The following TRIM3 variants were observed in gnomAD, a reference collection of about 807,000 sequenced individuals.
The protein encoded by TRIM3 is tripartite motif-containing protein 3.
TRIM3 carries 13 observed loss-of-function variants against 66.6 expected under a neutral mutation model. The ratio of observed to expected loss-of-function variants is 0.20; its 90% CI spans 0.13 to 0.31. The LOEUF is 0.31. TRIM3 is among the 10% of genes least tolerant of loss of function. The probability of loss-of-function intolerance (pLI) is 1.00; values close to 1 mark genes in which losing one functional copy is unlikely to be tolerated. For missense variants in TRIM3, 711 were observed against 1,020.4 expected (o/e 0.70, Z 4.13); for synonymous variants, 406 against 411.7 (o/e 0.99, Z 0.17).
In TRIM3 at chr11:6,456,609, G is replaced by C. The variant is rs1483594508; in HGVS notation, c.1117C>G (p.Arg373Gly). 7 of 1,612,754 alleles carry C rather than the reference G, an allele frequency of 4.3e-6. No individual in the cohort carries two copies. The highest frequency in any genetic ancestry group is 5.9e-6 in the Non-Finnish European group (7 of 1,179,874). The change falls in exon 6 of 12, where the codon CGC becomes GGC. Residue 373 changes from arginine to glycine, a missense_variant. Physicochemically the swap from Arg to Gly is moderately radical, Grantham distance 125 (BLOSUM62 -2). Around this residue, in one of 3 missense-constraint regions of TRIM3, gnomAD observed 399 missense variants for 458.1 expected, o/e 0.87. Transcript: ENST00000345851. The surrounding 1 kb of genome is among the most constrained non-coding windows in gnomAD (Gnocchi z 6.4). ...TGGTCCACCACTGGCACCGGAAGGC[G>C]CGTGCCGTCCGGGCCGGTGATCTCT... is the stretch of plus-strand genomic sequence containing the variant. ...RAEITGPDGT[R>G]LPVPVVDHKN...
chr11:6,460,268 G>A (rs1850168117), intron 2 of TRIM3, among the ~76,000 whole-genome samples: 1 of 152,152 alleles, frequency 6.6e-6, no homozygotes. Context: ...GGAAAACAGG[G>A]AGGGAGTGGC....
chr11:6,468,854 G>GTGAATGAATGAATGAATGAA (rs111290321), intron 1 of TRIM3, among the ~76,000 whole-genome samples: 18 of 150,974 alleles, frequency 1.2e-4, no homozygotes, highest in African/African-American at 3.7e-4. Flanking sequence ...TCTAAAGACT[G>GTGAATGAATGAATGAATGAA]TGAATGAATG....
intron 7 of TRIM3, 117 bp downstream of exon 7, chr11:6,455,955 G>A (rs1012637896): frequency 7.8e-6 from 5 of 638,636 alleles, no homozygotes; most frequent in Admixed American, 6.0e-5. Flanking sequence ...CTTAAGGAAC[G>A]GTACTATCTG....
At chr11:6,454,419 G>GC (rs199634071) in intron 7 of TRIM3, among the ~76,000 whole-genome samples, 3 of 150,010 alleles carry the variant, frequency 2.0e-5, no homozygotes, top group African/African-American at 4.9e-5. Context: ...AGGAAGTTCA[G>GC]CCCCCTCACC....
At position 6,448,925 on chromosome 11, in the gene TRIM3, C is replaced by A; in HGVS notation, c.*103G>T. The A allele has an allele frequency of 6.8e-7, 1 of 1,475,466 alleles. No homozygotes were observed. The highest frequency in any genetic ancestry group is 9.4e-7 in the Non-Finnish European group (1 of 1,066,290). 91.4% of individuals were successfully genotyped at this position (1,475,466 alleles called of 1,614,324 possible). A position where few individuals can be genotyped will look rare whatever the true frequency, so the allele number is the denominator to read the frequency against. On this transcript the variant is annotated 3_prime_UTR_variant, in exon 12 of 12. Transcript: ENST00000345851. ...CACCGGGTGCACCCATGCCCACAGC[C>A]CACATTCAGTGCTGCCAGGTCTGGC... is the stretch of plus-strand genomic sequence containing the variant.
In TRIM3 at chr11:6,449,004, A is replaced by G; in HGVS notation, c.*24T>C. ...ATCACCCCAATGTCTGTCCCTCCAC[A>G]AGCCAGGCAGGGCCTCTGTACAGCT... On this transcript the variant is annotated 3_prime_UTR_variant, in exon 12 of 12. Transcript: ENST00000345851. The surrounding 1 kb of genome is among the most constrained non-coding windows in gnomAD (Gnocchi z 5.3). 6.2e-7 allele frequency: 1 copy of G among 1,611,432 alleles called. No individual in the cohort carries two copies. Among genetic ancestry groups the G allele is most frequent in the Non-Finnish European group, 8.5e-7 (1 of 1,177,744 alleles).
rs955022236 is a variant in TRIM3 at position 6,457,014 on chromosome 11, G to T, written c.712C>A (p.Leu238Met). ...GAKQKVLQSQ[L>M]DTLRQGQEHI... ...TCCTGACCCTGGCGCAGTGTGTCCA[G>T]CTGGCTTTGCAACACCTGATGAGGG... is the stretch of plus-strand genomic sequence containing the variant. The change falls in exon 6 of 12, where the codon CTG becomes ATG. Residue 238 changes from leucine to methionine, a missense_variant. Around this residue, in one of 3 missense-constraint regions of TRIM3, gnomAD observed 399 missense variants for 458.1 expected, o/e 0.87. Coordinates refer to ENST00000345851, the MANE Select transcript of TRIM3 (RefSeq NM_033278.4). This position sits in a 1 kb window ranked among gnomAD's most constrained non-coding sequence, Gnocchi z 4.5. 5 of 1,589,712 alleles carry T rather than the reference G, an allele frequency of 3.1e-6. No homozygotes were observed. The highest frequency in any genetic ancestry group is 4.3e-6 in the Non-Finnish European group (5 of 1,167,282).
Position 6,450,489 on chromosome 11 carries a change from G to C in TRIM3, c.1941+62C>G. 3 of 1,394,480 alleles carry C rather than the reference G, an allele frequency of 2.2e-6. No homozygotes were observed. The highest frequency in any genetic ancestry group is 3.1e-6 in the Non-Finnish European group (3 of 979,906). The allele number at this position is 1,394,480 out of a possible 1,614,324, so 86.4% of individuals were successfully genotyped here. A position where few individuals can be genotyped will look rare whatever the true frequency, so the allele number is the denominator to read the frequency against. On this transcript the variant is annotated intron_variant, in intron 10 of 11. Transcript: ENST00000345851. This position sits in a 1 kb window ranked among gnomAD's most constrained non-coding sequence, Gnocchi z 4.8. ...GAAAAGGAGGAGGTAAAATAGAGAG[G>C]AGTCTTGTGGAAGAGGAAAGGATGT...
chr11:6,464,556 C>T (rs1424485062), intron 2 of TRIM3, among the ~76,000 whole-genome samples: 4 of 152,214 alleles, frequency 2.6e-5, no homozygotes, highest in Non-Finnish European at 1.5e-5. Context: ...CTTTCTCTTT[C>T]ACTATACTGT....
chr11:6,458,381 C>G lies in TRIM3; in HGVS notation c.132-85G>C. ...TTATACTTCCCATGGGTGCCAACCC[C>G]TTCCCTCACAGGTGTGCCATTACAC... On this transcript the variant is annotated intron_variant, in intron 2 of 11. Coordinates refer to ENST00000345851, the MANE Select transcript of TRIM3 (RefSeq NM_033278.4). The surrounding 1 kb of genome is among the most constrained non-coding windows in gnomAD (Gnocchi z 6.2). 4.6e-6 allele frequency: 5 copies of G among 1,094,370 alleles called. No homozygotes were observed. The highest frequency in any genetic ancestry group is 6.7e-6 in the Non-Finnish European group (5 of 741,602). 67.8% of individuals were successfully genotyped at this position (1,094,370 alleles called of 1,614,324 possible).
At position 6,456,231 on chromosome 11, in the gene TRIM3, C is replaced by A; in HGVS notation, c.1430-56G>T. ...TAATTCATTCAGAGGTCATCTTGAA[C>A]CTCCCTTCCCTCCCCACCCACTACC... On this transcript the variant is annotated intron_variant, in intron 6 of 11. Coordinates refer to ENST00000345851, the MANE Select transcript of TRIM3 (RefSeq NM_033278.4). The surrounding 1 kb of genome is among the most constrained non-coding windows in gnomAD (Gnocchi z 6.4). 1 of 1,595,438 alleles carries A rather than the reference C, an allele frequency of 6.3e-7. No homozygotes were observed. Among genetic ancestry groups the A allele is most frequent in the Non-Finnish European group, 8.6e-7 (1 of 1,166,030 alleles).
Position 6,450,537 on chromosome 11 carries a change from G to A in TRIM3, c.1941+14C>T, listed in dbSNP as rs748808029. 5 of 1,612,204 alleles carry A rather than the reference G, an allele frequency of 3.1e-6. No homozygotes were observed. The highest frequency in any genetic ancestry group is 4.2e-6 in the Non-Finnish European group (5 of 1,178,244). On this transcript the variant is annotated intron_variant, in intron 10 of 11. Coordinates refer to ENST00000345851, the MANE Select transcript of TRIM3 (RefSeq NM_033278.4). The surrounding 1 kb of genome is among the most constrained non-coding windows in gnomAD (Gnocchi z 4.8). ...TGTTGGGACAGTGGTCACGGAGGGA[G>A]GGAAGACACTGACCTTCACTGAATG...
In TRIM3 at chr11:6,456,414, G is replaced by A; in HGVS notation, c.1312C>T (p.Pro438Ser). Residue 438 changes from proline to serine, a missense_variant, in exon 6 of 12, where the codon CCT becomes TCT. Coordinates refer to ENST00000345851, the MANE Select transcript of TRIM3 (RefSeq NM_033278.4). This position sits in a 1 kb window ranked among gnomAD's most constrained non-coding sequence, Gnocchi z 6.4. ...CGCACATGGCTGCCGGGGCCGCCAG[G>A]GGACTTGACACGGCGCTTCACATCG... Reference protein sequence around the residue: ...PDDVKRRVKSPGGPGSHVRQK... With the variant: ...PDDVKRRVKSSGGPGSHVRQK... 1.3e-6 allele frequency: 2 copies of A among 1,531,412 alleles called. No homozygotes were observed. Among genetic ancestry groups the A allele is most frequent in the Non-Finnish European group, 1.8e-6 (2 of 1,136,862 alleles). The allele number at this position is 1,531,412 out of a possible 1,614,324, so 94.9% of individuals were successfully genotyped here.
At chr11:6,459,026 T>C (rs1040602622) in intron 2 of TRIM3, among the ~76,000 whole-genome samples, 2 of 152,190 alleles carry the variant, frequency 1.3e-5, no homozygotes, top group African/African-American at 2.4e-5. Flanking sequence ...TTATTATTAA[T>C]ATAAGGAATG....
In TRIM3 at chr11:6,456,005, C is replaced by G; in HGVS notation, c.1533+67G>C. The G allele has an allele frequency of 1.3e-6, 2 of 1,491,270 alleles. 1 individual carries two copies. The highest frequency in any genetic ancestry group is 2.3e-5 in the South Asian group (2 of 87,932). The allele number at this position is 1,491,270 out of a possible 1,614,324, so 92.4% of individuals were successfully genotyped here. The stretch of plus-strand genomic sequence containing the variant: ...CCAGGAGGTGACCTGTACATTCTAT[C>G]TTTTCAGTAGCCTGTAGCTTGAAAA... On this transcript the variant is annotated intron_variant, in intron 7 of 11. Transcript: ENST00000345851. The surrounding 1 kb of genome is among the most constrained non-coding windows in gnomAD (Gnocchi z 6.4).
intron 2 of TRIM3, among the ~76,000 whole-genome samples, chr11:6,462,570 G>A (rs1250826216): frequency 6.6e-6 from 1 of 151,940 alleles, no homozygotes; most frequent in East Asian, 1.9e-4. Flanking sequence ...ACCACACCCA[G>A]CTAATTTTTA....
Position 6,449,451 on chromosome 11 carries a change from C to T in TRIM3, c.1942-5G>A, listed in dbSNP as rs371008569. 13 of 1,611,902 alleles carry T rather than the reference C, an allele frequency of 8.1e-6. No homozygotes were observed. The highest frequency in any genetic ancestry group is 1.1e-5 in the Non-Finnish European group (13 of 1,178,698). On this transcript the variant is annotated splice_polypyrimidine_tract_variant and splice_region_variant and intron_variant, in intron 10 of 11. Coordinates refer to ENST00000345851, the MANE Select transcript of TRIM3 (RefSeq NM_033278.4). The surrounding 1 kb of genome is among the most constrained non-coding windows in gnomAD (Gnocchi z 5.3). The stretch of plus-strand genomic sequence containing the variant: ...CTCTCCATCGGCACTGTACACCTGG[C>T]GGGGGAAGGGGCTAGGGACTGGGGA...
chr11:6,468,694 G>A (rs559253620), intron 1 of TRIM3, among the ~76,000 whole-genome samples: 8 of 152,346 alleles, frequency 5.3e-5, no homozygotes, highest in African/African-American at 1.9e-4. Context: ...GAGTAAATGG[G>A]AGATGAAGTT....
chr11:6,451,066 G>A lies in TRIM3; in HGVS notation c.1702-6C>T. ...CGGCCAGCTCCAATCTTGGTCTGGA[G>A]GAAGAGAATATCCATAAGAGGCTTT... On this transcript the variant is annotated splice_region_variant and splice_polypyrimidine_tract_variant and intron_variant, in intron 8 of 11. Coordinates refer to ENST00000345851, the MANE Select transcript of TRIM3 (RefSeq NM_033278.4). 1.2e-6 allele frequency: 2 copies of A among 1,614,012 alleles called. No individual in the cohort carries two copies. The highest frequency in any genetic ancestry group is 1.7e-4 in the Middle Eastern group (1 of 6,060).
Sources: allele counts gnomAD v4.1 joint callset (sites outside exome capture counted in the v4.1 genomes callset), GRCh38; gene constraint gnomAD v4.1.1; regional missense constraint gnomAD v4.1.1; non-coding constraint Gnocchi (gnomAD v3.1); transcripts MANE v1.5; gene names NCBI Gene and HGNC (gene_info 2026-07-23, HGNC 2026-07-21).